The following BRD3 variants were observed in gnomAD, a reference collection of about 807,000 sequenced individuals.
BRD3 encodes bromodomain containing 3.
A neutral mutation model predicts 66.8 loss-of-function variants in BRD3; 17 were observed. The observed-to-expected ratio is 0.25, with a 90% CI of 0.17 to 0.38. The LOEUF (loss-of-function observed/expected upper bound fraction) is 0.38, where lower values mean the gene tolerates loss of function less well. BRD3 is among the 10% of genes least tolerant of loss of function. The pLI, the probability that BRD3 is intolerant of heterozygous loss-of-function variation, is 1.00. For synonymous variants in BRD3, 421 were observed against 393.2 expected (o/e 1.07, Z -0.84); for missense variants, 713 against 956.1 (o/e 0.75, Z 3.35).
intron 1 of BRD3, among the ~76,000 whole-genome samples, chr9:134,059,509 C>T (rs535647056): frequency 9.4e-5 from 14 of 148,994 alleles, no homozygotes; most frequent in African/African-American, 2.5e-4. Context: ...ACAAAACCTT[C>T]GTGCCGCAAT....
Position 134,032,868 on chromosome 9 carries a change from CTT to C in BRD3, c.*720_*721del, listed in dbSNP as rs57529360. The C allele has an allele frequency of 0.012, 2,655 of 224,640 alleles. No individual in the cohort carries two copies. The highest frequency in any genetic ancestry group is 0.033 in the East Asian group (497 of 14,918). The allele number at this position is 224,640 out of a possible 1,614,324, so 13.9% of individuals were successfully genotyped here. ...TTTTTTTTTTTTTAAATCTTTTCTT[CTT>C]TTTTTTTTTTTAAAGTTGAGGTAAA... is the stretch of plus-strand genomic sequence containing the variant. On this transcript the variant is annotated 3_prime_UTR_variant, in exon 12 of 12. Coordinates refer to ENST00000303407, the MANE Select transcript of BRD3 (RefSeq NM_007371.4).
Position 134,051,871 on chromosome 9 carries a change from G to T in BRD3, c.352-162C>A, listed in dbSNP as rs865815048. On this transcript the variant is annotated intron_variant, in intron 3 of 11. Transcript: ENST00000303407. Reference sequence around the variant, plus strand: ...TATGTGTGTGTGTGTGTGTGTGTGTGTGTGTGTTGTTTTTTTTGTTTTTTT... The same window carrying T: ...TATGTGTGTGTGTGTGTGTGTGTGTTTGTGTGTTGTTTTTTTTGTTTTTTT... 1.0e-3 allele frequency among the ~76,000 whole-genome samples: 110 copies of T among 110,530 alleles called. 3 individuals are homozygous for T. Among genetic ancestry groups the T allele is most frequent in the African/African-American group, 4.6e-3 (107 of 23,290 alleles). The allele number at this position is 110,530 out of a possible 152,430, so 72.5% of individuals were successfully genotyped here.
At position 134,051,880 on chromosome 9, in the gene BRD3, G is replaced by GTTGTTTTTT. The variant is rs1564555861; in HGVS notation, c.352-172_352-171insAAAAAACAA. On this transcript the variant is annotated intron_variant, in intron 3 of 11. Coordinates refer to ENST00000303407, the MANE Select transcript of BRD3 (RefSeq NM_007371.4). ...GTGTGTGTGTGTGTGTGTGTGTGTT[G>GTTGTTTTTT]TTTTTTTTGTTTTTTTTTTTTTTTT... Among the ~76,000 whole-genome samples, 4 of 113,660 alleles carry GTTGTTTTTT rather than the reference G, an allele frequency of 3.5e-5. No individual in the cohort carries two copies. The South Asian group carries it at 1.1e-3, about 30-fold the overall frequency. 74.6% of individuals were successfully genotyped at this position (113,660 alleles called of 152,430 possible). A position where few individuals can be genotyped will look rare whatever the true frequency, so the allele number is the denominator to read the frequency against.
At chr9:134,035,128 A>C (rs1843579755) in intron 10 of BRD3, among the ~76,000 whole-genome samples, 1 of 152,146 alleles carries the variant, frequency 6.6e-6, no homozygotes, top group South Asian at 2.1e-4. Flanking sequence ...CACGGACAGG[A>C]TGCGGTTTGG....
intron 1 of BRD3, among the ~76,000 whole-genome samples, chr9:134,063,287 C>T (rs962473996): frequency 2.0e-5 from 3 of 152,180 alleles, no homozygotes; most frequent in African/African-American, 7.2e-5. Context: ...TGTGAGTCCA[C>T]AGCCCACGGA....
At chr9:134,046,280 G>T (rs1296027119) in intron 6 of BRD3, among the ~76,000 whole-genome samples, 1 of 152,208 alleles carries the variant, frequency 6.6e-6, no homozygotes, top group Non-Finnish European at 1.5e-5. Flanking sequence ...CACTAGTTGG[G>T]GCAAAGAGAG....
At chr9:134,053,091 C>A (rs1830338123) in intron 2 of BRD3, among the ~76,000 whole-genome samples, 174 bp downstream of exon 2, 1 of 152,242 alleles carries the variant, frequency 6.6e-6, no homozygotes, top group Non-Finnish European at 1.5e-5. Context: ...CTCTCCCACG[C>A]CCATGTGGCC....
intron 9 of BRD3, among the ~76,000 whole-genome samples, chr9:134,038,898 C>T (rs975296745): frequency 6.6e-6 from 1 of 152,114 alleles, no homozygotes; most frequent in Non-Finnish European, 1.5e-5. Flanking sequence ...ATAAAGGATA[C>T]TCAACCTGTA....
rs1359023014 is a variant in BRD3 at position 134,041,756 on chromosome 9, C to T, written c.1407+4G>A. ...GAACCCCACCCAAGCATGCCAGTGC[C>T]CACCTGCTCCTGCAGCTCCGCCAGC... On this transcript the variant is annotated splice_donor_region_variant and intron_variant, in intron 8 of 11. Coordinates refer to ENST00000303407, the MANE Select transcript of BRD3 (RefSeq NM_007371.4). 1 of 1,608,764 alleles carries T rather than the reference C, an allele frequency of 6.2e-7. No homozygotes were observed. Among genetic ancestry groups the T allele is most frequent in the Non-Finnish European group, 8.5e-7 (1 of 1,179,554 alleles).
Position 134,045,384 on chromosome 9 carries a change from C to T in BRD3, c.1124G>A (p.Gly375Asp). 1 of 1,613,704 alleles carries T rather than the reference C, an allele frequency of 6.2e-7. No individual in the cohort carries two copies. Among genetic ancestry groups the T allele is most frequent in the African/African-American group, 1.3e-5 (1 of 75,044 alleles). ...MDGREYPDAQ[G>D]FAADVRLMFS... ...CATCAGCCGGACATCAGCAGCAAAG[C>T]CCTGTGCGTCTGGGTACTCTCGGCC... The change falls in exon 7 of 12, where the codon GGC becomes GAC. Residue 375 changes from glycine to aspartate, a missense_variant. Coordinates refer to ENST00000303407, the MANE Select transcript of BRD3 (RefSeq NM_007371.4). The surrounding 1 kb of genome is among the most constrained non-coding windows in gnomAD (Gnocchi z 4.8).
At chr9:134,034,866 A>G (rs200658535) in intron 10 of BRD3, 37 bp from the exon 11 acceptor site, 4 of 1,608,156 alleles carry the variant, frequency 2.5e-6, no homozygotes, top group Non-Finnish European at 3.4e-6. Context: ...ACTGCAGAGC[A>G]GACCGATGGG....
chr9:134,034,471 C>T, intron 11 of BRD3: 1 of 581,650 alleles, frequency 1.7e-6, no homozygotes, highest in South Asian at 2.2e-5. Flanking sequence ...CTGGAATGGG[C>T]TGTGTTCACA....
chr9:134,046,372 G>A (rs554130686), intron 6 of BRD3, among the ~76,000 whole-genome samples: 1 of 152,302 alleles, frequency 6.6e-6, no homozygotes, highest in African/African-American at 2.4e-5. Flanking sequence ...CTCGAGGGAC[G>A]ACACACGCAA....
chr9:134,032,439 CAA>C lies in BRD3; in HGVS notation c.*1149_*1150del, dbSNP rs10636879. On this transcript the variant is annotated 3_prime_UTR_variant, in exon 12 of 12. Transcript: ENST00000303407. Reference sequence around the variant, plus strand: ...TACCTGTAAGCCTCCAAGTTTCATACAAAAAAAAAAAAAAAAAAAAACCACAA... The same window carrying C: ...TACCTGTAAGCCTCCAAGTTTCATACAAAAAAAAAAAAAAAAAAACCACAA... 0.014 allele frequency: 1,649 copies of C among 115,742 alleles called. 2 individuals are homozygous for C. Among genetic ancestry groups the C allele is most frequent in the Middle Eastern group, 0.022 (8 of 358 alleles). The allele number at this position is 115,742 out of a possible 1,614,324, so 7.2% of individuals were successfully genotyped here.
At chr9:134,060,236 G>C (rs1416756724) in intron 1 of BRD3, among the ~76,000 whole-genome samples, 2 of 152,206 alleles carry the variant, frequency 1.3e-5, no homozygotes, top group South Asian at 2.1e-4. Flanking sequence ...AGGAAACTCA[G>C]ACAAACCACA....
At chr9:134,061,858 C>A (rs1047780385) in intron 1 of BRD3, among the ~76,000 whole-genome samples, 1 of 152,180 alleles carries the variant, frequency 6.6e-6, no homozygotes, top group Non-Finnish European at 1.5e-5. Context: ...GTGCTGTGAT[C>A]GGCTGTGGCA....
At chr9:134,053,766 G>A (rs905259090) in intron 1 of BRD3, 176 bp from the exon 2 acceptor site, 46 of 523,646 alleles carry the variant, frequency 8.8e-5, no homozygotes, top group Admixed American at 7.3e-5. Context: ...CTGCTCAGGC[G>A]AAGCGCGACC....
intron 5 of BRD3, 83 bp downstream of exon 5, chr9:134,050,291 C>A (rs148250297): frequency 4.4e-6 from 6 of 1,364,500 alleles, no homozygotes; most frequent in African/African-American, 1.4e-5. Flanking sequence ...AAGGTGGGGG[C>A]CCCCCGCCTG....
chr9:134,067,419 G>GA (rs1830686133), intron 1 of BRD3, among the ~76,000 whole-genome samples: 1 of 150,208 alleles, frequency 6.7e-6, no homozygotes, highest in African/African-American at 2.4e-5. Context: ...GCTCGGGAGC[G>GA]AGGCCGGCGG....
Sources: allele counts gnomAD v4.1 joint callset (sites outside exome capture counted in the v4.1 genomes callset), GRCh38; gene constraint gnomAD v4.1.1; non-coding constraint Gnocchi (gnomAD v3.1); transcripts MANE v1.5; gene names NCBI Gene and HGNC (gene_info 2026-07-23, HGNC 2026-07-21).